Variants in GPX3 observed in about 807,000 individuals in gnomAD.
GPX3 encodes glutathione peroxidase 3.
In GPX3, 22 loss-of-function variants were observed where a neutral mutation model predicts 25.1. The ratio of observed to expected loss-of-function variants is 0.88; its 90% CI spans 0.63 to 1.25. GPX3 has a LOEUF of 1.25. Among genes scored for constraint, GPX3 ranks in the 50% most tolerant of loss-of-function variants. The pLI, the probability that GPX3 is intolerant of heterozygous loss-of-function variation, is 0.00. For missense variants in GPX3, 278 were observed against 286.6 expected (o/e 0.97, Z 0.22); for synonymous variants, 110 against 114.5 (o/e 0.96, Z 0.25).
intron 2 of GPX3, 133 bp from the exon 3 acceptor site, chr5:151,026,767 T>A (rs1756554503): frequency 1.5e-6 from 1 of 668,188 alleles, no homozygotes; most frequent in Non-Finnish European, 2.7e-6. Context: ...TCACTGGTGA[T>A]CCTGCGCAAG....
In GPX3 at chr5:151,028,402, G is replaced by A; in HGVS notation, c.*272G>A. On this transcript the variant is annotated 3_prime_UTR_variant, in exon 5 of 5. Transcript: ENST00000388825. The stretch of plus-strand genomic sequence containing the variant: ...ACGTGTCTACCTATGTGTCTTTCTG[G>A]GAATGTGTACCATCTGTGTGCCTGC... The A allele has an allele frequency of 2.1e-6, 1 of 468,178 alleles. No individual in the cohort carries two copies. The highest frequency in any genetic ancestry group is 4.0e-6 in the Non-Finnish European group (1 of 251,800). 29.0% of individuals were successfully genotyped at this position (468,178 alleles called of 1,614,324 possible).
At position 151,028,707 on chromosome 5, in the gene GPX3, T is replaced by C. The variant is rs1756610382; in HGVS notation, c.*577T>C. On this transcript the variant is annotated 3_prime_UTR_variant, in exon 5 of 5. Coordinates refer to ENST00000388825, the MANE Select transcript of GPX3 (RefSeq NM_002084.5). ...AGGCTACATCCCCACCCCACAGTTC[T>C]CCCTGAGAGAGATCAACCTCCCTGA... is the stretch of plus-strand genomic sequence containing the variant. 1 of 155,030 alleles carries C rather than the reference T, an allele frequency of 6.5e-6. No homozygotes were observed. The highest frequency in any genetic ancestry group is 2.4e-5 in the African/African-American group (1 of 41,362). The allele number at this position is 155,030 out of a possible 1,614,324, so 9.6% of individuals were successfully genotyped here.
At position 151,025,129 on chromosome 5, in the gene GPX3, A is replaced by ATATT. The variant is rs539285701; in HGVS notation, c.88-210_88-207dup. 1.3e-3 allele frequency among the ~76,000 whole-genome samples: 198 copies of ATATT among 152,262 alleles called. 1 individual carries two copies. Among genetic ancestry groups the ATATT allele is most frequent in the Non-Finnish European group, 1.2e-3 (85 of 68,010 alleles). On this transcript the variant is annotated intron_variant, in intron 1 of 4. Coordinates refer to ENST00000388825, the MANE Select transcript of GPX3 (RefSeq NM_002084.5). ...TTAATAAGTGCTTTTTAAGCACTTA[A>ATATT]TATTAAGTACCCGAAAAGCACTTAT...
At chr5:151,023,119 G>A (rs987926924) in intron 1 of GPX3, among the ~76,000 whole-genome samples, 2 of 152,106 alleles carry the variant, frequency 1.3e-5, no homozygotes, top group Non-Finnish European at 2.9e-5. Context: ...TCTCTTGCCC[G>A]GCTGTGGGAG....
chr5:151,026,929 C>A lies in GPX3; in HGVS notation c.271C>A (p.Pro91Thr). 1 of 1,614,076 alleles carries A rather than the reference C, an allele frequency of 6.2e-7. No individual in the cohort carries two copies. Among genetic ancestry groups the A allele is most frequent in the South Asian group, 1.1e-5 (1 of 91,078 alleles). ...GAATGCACTACAGGAAGAGCTTGCA[C>A]CATTCGGTCTGGTCATTCTGGGCTT... ...ELNALQEELAPFGLVILGFPC... is the reference protein window; with the variant it reads ...ELNALQEELATFGLVILGFPC... The change falls in exon 3 of 5, where the codon CCA becomes ACA. Residue 91 changes from proline (P) to threonine (T), a missense_variant. By Grantham distance (38) the Pro-to-Thr change is conservative. Coordinates refer to ENST00000388825, the MANE Select transcript of GPX3 (RefSeq NM_002084.5).
chr5:151,020,612 C>T lies in GPX3; in HGVS notation c.-43C>T, dbSNP rs773790387. 2.0e-6 allele frequency: 3 copies of T among 1,536,782 alleles called. No homozygotes were observed. Among genetic ancestry groups the T allele is most frequent in the South Asian group, 2.3e-5 (2 of 85,600 alleles). On this transcript the variant is annotated 5_prime_UTR_variant, in exon 1 of 5. Coordinates refer to ENST00000388825, the MANE Select transcript of GPX3 (RefSeq NM_002084.5). ...CCTCAGACGGACGGTGGCCAGGGAT[C>T]AGGCAGCGGCTCAGGCGACCCTGAG...
chr5:151,020,950 C>A, intron 1 of GPX3: 2 of 642,288 alleles, frequency 3.1e-6, no homozygotes, highest in Non-Finnish European at 5.7e-6. Context: ...TGTTGGAGAG[C>A]CGAGACCTGG....
In GPX3 at chr5:151,028,877, G is replaced by A. The variant is rs1431381568; in HGVS notation, c.*747G>A. The A allele has an allele frequency of 6.5e-6, 1 of 152,916 alleles. No individual in the cohort carries two copies. Among genetic ancestry groups the A allele is most frequent in the Non-Finnish European group, 1.5e-5 (1 of 68,188 alleles). 9.5% of individuals were successfully genotyped at this position (152,916 alleles called of 1,614,324 possible). On this transcript the variant is annotated 3_prime_UTR_variant, in exon 5 of 5. Transcript: ENST00000388825. ...CAGCCCTTAGTGCATTCAGGCTAAG[G>A]CCCCTGGGCAGGGATGCCACCCCTG...
In GPX3 at chr5:151,028,841, G is replaced by C. The variant is rs1756615824; in HGVS notation, c.*711G>C. On this transcript the variant is annotated 3_prime_UTR_variant, in exon 5 of 5. Transcript: ENST00000388825. ...TTGTGGGCGGACCTCCCCTGAGCCT[G>C]TCTGAGGGGCCAGCCCTTAGTGCAT... The C allele has an allele frequency of 6.5e-6, 1 of 152,866 alleles. No individual in the cohort carries two copies. The highest frequency in any genetic ancestry group is 6.5e-5 in the Admixed American group (1 of 15,282). 9.5% of individuals were successfully genotyped at this position (152,866 alleles called of 1,614,324 possible).
intron 1 of GPX3, among the ~76,000 whole-genome samples, chr5:151,023,295 TCTGA>T (rs1245835069): frequency 6.6e-6 from 1 of 152,144 alleles, no homozygotes; most frequent in Admixed American, 6.5e-5. Context: ...TGGGCCACCT[TCTGA>T]CCCCCACTAT....
In GPX3 at chr5:151,024,707, T is replaced by G. The variant is rs8177432; in HGVS notation, c.88-633T>G. On this transcript the variant is annotated intron_variant, in intron 1 of 4. Transcript: ENST00000388825. Reference sequence around the variant, plus strand: ...GCAGGTACTGTTGCTTTTCCCTACCTCACCACAGCCCTTTCCCCCATGCCT... The same window carrying G: ...GCAGGTACTGTTGCTTTTCCCTACCGCACCACAGCCCTTTCCCCCATGCCT... Among the ~76,000 whole-genome samples, 951 of 152,270 alleles carry G rather than the reference T, an allele frequency of 6.2e-3. 7 individuals carry two copies. The highest frequency in any genetic ancestry group is 0.022 in the African/African-American group (915 of 41,548).
chr5:151,024,584 C>T (rs1756520540), intron 1 of GPX3, among the ~76,000 whole-genome samples: 1 of 152,200 alleles, frequency 6.6e-6, no homozygotes, highest in Admixed American at 6.5e-5. Flanking sequence ...TGCACTCTGT[C>T]CCTCCTTGTC....
chr5:151,020,795 C>A (rs780515233), intron 1 of GPX3, 54 bp downstream of exon 1: 1 of 1,509,294 alleles, frequency 6.6e-7, no homozygotes, highest in Admixed American at 1.8e-5. Context: ...CCCTCGGTGT[C>A]CAGCGCTCAG....
At position 151,028,354 on chromosome 5, in the gene GPX3, T is replaced by C; in HGVS notation, c.*224T>C. 2 of 558,814 alleles carry C rather than the reference T, an allele frequency of 3.6e-6. No homozygotes were observed. The highest frequency in any genetic ancestry group is 3.0e-5 in the East Asian group (1 of 32,824). The allele number at this position is 558,814 out of a possible 1,614,324, so 34.6% of individuals were successfully genotyped here. A position where few individuals can be genotyped will look rare whatever the true frequency, so the allele number is the denominator to read the frequency against. ...ATGCCTACAGGTATGCGTGATTGTG[T>C]GTGTGTGCATGGGTGTACAGCCACG... On this transcript the variant is annotated 3_prime_UTR_variant, in exon 5 of 5. Coordinates refer to ENST00000388825, the MANE Select transcript of GPX3 (RefSeq NM_002084.5).
intron 1 of GPX3, 30 bp downstream of exon 1, chr5:151,020,771 AG>A: frequency 6.3e-7 from 1 of 1,590,534 alleles, no homozygotes; most frequent in South Asian, 1.1e-5. Flanking sequence ...GGGGGCCGGG[AG>A]AAAAAACCTA....
chr5:151,028,493 A>C lies in GPX3; in HGVS notation c.*363A>C. The C allele has an allele frequency of 3.8e-6, 1 of 261,252 alleles. No individual in the cohort carries two copies. The highest frequency in any genetic ancestry group is 4.2e-5 in the South Asian group (1 of 24,084). The allele number at this position is 261,252 out of a possible 1,614,324, so 16.2% of individuals were successfully genotyped here. On this transcript the variant is annotated 3_prime_UTR_variant, in exon 5 of 5. Transcript: ENST00000388825. Reference sequence around the variant, plus strand: ...TTCTCCACTCCAATGATAATAGTTCACTTACACCTAAACCCAAAGGAAAAA... The same window carrying C: ...TTCTCCACTCCAATGATAATAGTTCCCTTACACCTAAACCCAAAGGAAAAA...
At chr5:151,021,062 C>T in intron 1 of GPX3, 1 of 367,298 alleles carries the variant, frequency 2.7e-6, no homozygotes, top group Non-Finnish European at 5.1e-6. Context: ...ACATCTATGT[C>T]ACCTCCGTGC....
intron 2 of GPX3, chr5:151,026,558 A>T: frequency 4.5e-6 from 1 of 223,278 alleles, no homozygotes; most frequent in Non-Finnish European, 8.7e-6. Context: ...GTATCCAGGG[A>T]TGGATAGTTC....
chr5:151,027,489 T>C lies in GPX3; in HGVS notation c.417T>C (p.Asp139=). ...VPNFQLFEKG[D]VNGEKEQKFY... ...ATTTCCAGCTCTTTGAGAAAGGGGA[T>C]GTCAATGGAGAGAAAGAGCAGAAAT... The change falls in exon 4 of 5, where the codon GAT becomes GAC. Residue 139 remains aspartate (D), a synonymous_variant. Coordinates refer to ENST00000388825, the MANE Select transcript of GPX3 (RefSeq NM_002084.5). The C allele has an allele frequency of 6.2e-7, 1 of 1,613,676 alleles. No individual in the cohort carries two copies. The highest frequency in any genetic ancestry group is 1.1e-5 in the South Asian group (1 of 91,068).
Sources: allele counts gnomAD v4.1 joint callset (sites outside exome capture counted in the v4.1 genomes callset), GRCh38; gene constraint gnomAD v4.1.1; transcripts MANE v1.5; gene names NCBI Gene and HGNC (gene_info 2026-07-23, HGNC 2026-07-21).